The following UNC79 variants were observed in gnomAD, a reference collection of about 807,000 sequenced individuals.
UNC79 encodes unc-79 subunit of NALCN channel complex, also known as protein unc-79 homolog.
In UNC79, 37 loss-of-function variants were observed where a neutral mutation model predicts 283.1. The observed-to-expected ratio is 0.13, with a 90% CI of 0.10 to 0.17. The LOEUF (loss-of-function observed/expected upper bound fraction) is 0.17, where lower values mean the gene tolerates loss of function less well. Ranked by LOEUF, UNC79 falls within the 10% of genes least tolerant of loss-of-function variation. The pLI, the probability that UNC79 is intolerant of heterozygous loss-of-function variation, is 1.00. For missense variants in UNC79, 2,272 were observed against 3,211.1 expected (o/e 0.71, Z 7.07); for synonymous variants, 1,107 against 1,200.2 (o/e 0.92, Z 1.61).
At chr14:93,384,327 G>T (rs1415006606) in intron 1 of UNC79, among the ~76,000 whole-genome samples, 1 of 152,154 alleles carries the variant, frequency 6.6e-6, no homozygotes, top group Non-Finnish European at 1.5e-5. Flanking sequence ...CAGTGTACAA[G>T]GGTTCCCTTT....
At position 93,597,554 on chromosome 14, in the gene UNC79, TG is replaced by T; in HGVS notation, c.3372+15del. 6.2e-7 allele frequency: 1 copy of T among 1,606,996 alleles called. No homozygotes were observed. Among genetic ancestry groups the T allele is most frequent in the Non-Finnish European group, 8.5e-7 (1 of 1,177,418 alleles). On this transcript the variant is annotated intron_variant, in intron 24 of 48. Coordinates refer to ENST00000555664, the Ensembl canonical transcript of UNC79. ...CCAGCATTGCAGGTGACATGTGATT[TG>T]TGTTATCTGCTCCGAAGGTGGTTTG...
chr14:93,543,718 G>T (rs976021004), intron 14 of UNC79, among the ~76,000 whole-genome samples: 1 of 152,154 alleles, frequency 6.6e-6, no homozygotes, highest in Admixed American at 6.5e-5. Context: ...AAAGGTGGAT[G>T]TCCAGAATCA....
rs776944408 is a variant in UNC79, at chr14:93,641,276, A to G, written c.5903+29A>G. The G allele has an allele frequency of 7.5e-6, 12 of 1,589,924 alleles. No homozygotes were observed. In the East Asian group the frequency reaches 1.1e-4, roughly 15 times the overall value. The stretch of plus-strand genomic sequence containing the variant: ...AGCTCGCACAGTTATTTTCTTCACC[A>G]TGTTTACAGAATTTAAGTTTGGTTA... On this transcript the variant is annotated intron_variant, in intron 33 of 48. Transcript: ENST00000555664.
chr14:93,373,414 AAAAG>A (rs1317032490), intron 1 of UNC79, among the ~76,000 whole-genome samples: 1 of 152,200 alleles, frequency 6.6e-6, no homozygotes, highest in African/African-American at 2.4e-5. Context: ...TGAGAAAAAA[AAAAG>A]AGAGAGGACA....
chr14:93,343,745 G>A (rs1370166727), intron 1 of UNC79, among the ~76,000 whole-genome samples: 2 of 151,982 alleles, frequency 1.3e-5, no homozygotes, highest in Non-Finnish European at 2.9e-5. Flanking sequence ...CATTATAAAA[G>A]GTAAGTGGGC....
At chr14:93,454,959 T>C (rs2056755002) in intron 1 of UNC79, among the ~76,000 whole-genome samples, 1 of 152,128 alleles carries the variant, frequency 6.6e-6, no homozygotes, top group African/African-American at 2.4e-5. Context: ...ATGATGATGA[T>C]GTTGATGATG....
intron 27 of UNC79, among the ~76,000 whole-genome samples, chr14:93,614,460 G>A (rs1226462266): frequency 6.6e-6 from 1 of 151,910 alleles, no homozygotes; most frequent in African/African-American, 2.4e-5. Flanking sequence ...GGGATCACAG[G>A]CACCCGCCAC....
chr14:93,496,308 A>G, intron 5 of UNC79, 103 bp from the exon 6 acceptor site: 2 of 684,156 alleles, frequency 2.9e-6, no homozygotes, highest in Non-Finnish European at 4.7e-6. Context: ...TAATGATTAG[A>G]GACTGAAAAG....
intron 38 of UNC79, among the ~76,000 whole-genome samples, 164 bp downstream of exon 41, chr14:93,655,571 CT>C (rs1256613953): frequency 1.3e-5 from 2 of 148,326 alleles, no homozygotes; most frequent in Non-Finnish European, 3.0e-5. Flanking sequence ...TCTGTCTTCT[CT>C]TAGAGAATGA....
At chr14:93,382,131 A>G (rs1163322598) in intron 1 of UNC79, among the ~76,000 whole-genome samples, 1 of 152,170 alleles carries the variant, frequency 6.6e-6, no homozygotes, top group South Asian at 2.1e-4. Context: ...TCTGGTTCCT[A>G]ATAATACAAG....
intron 1 of UNC79, chr14:93,466,863 G>A: frequency 1.0e-6 from 1 of 985,396 alleles, no homozygotes; most frequent in Non-Finnish European, 1.2e-6. Flanking sequence ...CAGGTCAAAG[G>A]TCAGGTCAGG....
intron 1 of UNC79, among the ~76,000 whole-genome samples, chr14:93,343,315 G>A (rs1392470255): frequency 6.6e-6 from 1 of 152,218 alleles, no homozygotes; most frequent in Non-Finnish European, 1.5e-5. Context: ...GCAAAGGGGA[G>A]CAAGGGGCAT....
intron 1 of UNC79, among the ~76,000 whole-genome samples, chr14:93,340,155 C>T (rs939482364): frequency 1.3e-5 from 2 of 152,172 alleles, no homozygotes; most frequent in Non-Finnish European, 2.9e-5. Context: ...AAGAGTTGGA[C>T]ACCTATGCTG....
At chr14:93,565,164 C>T (rs1044002573) in intron 14 of UNC79, among the ~76,000 whole-genome samples, 13 of 152,172 alleles carry the variant, frequency 8.5e-5, no homozygotes, top group Admixed American at 5.9e-4. Context: ...TCCCCCGGTT[C>T]CTGTAGGCTG....
At position 93,401,728 on chromosome 14, in the gene UNC79, C is replaced by G. The variant is rs139041709; in HGVS notation, c.-350-65943C>G. On this transcript the variant is annotated intron_variant, in intron 1 of 49. Transcript: ENST00000256339. The stretch of plus-strand genomic sequence containing the variant: ...TATAGGTACAGCCTTGAGACTCAGA[C>G]TGAATCAAATTGCCCAATGTCTTGT... 1.8e-3 allele frequency among the ~76,000 whole-genome samples: 270 copies of G among 152,292 alleles called. 1 individual carries two copies. The Middle Eastern group carries it at 0.031, about 17-fold the overall frequency.
intron 47 of UNC79, among the ~76,000 whole-genome samples, chr14:93,701,671 A>G (rs1460602946): frequency 6.6e-6 from 1 of 152,332 alleles, no homozygotes; most frequent in Non-Finnish European, 1.5e-5. Context: ...AAGTTATTCA[A>G]TAAGTCAAAT....
chr14:93,402,276 C>CAAAA (rs1232880016), intron 1 of UNC79, among the ~76,000 whole-genome samples: 2 of 64,978 alleles, frequency 3.1e-5, no homozygotes, highest in African/African-American at 1.2e-4. Context: ...GACTCTGTCT[C>CAAAA]AAAAAAAAAA....
chr14:93,689,951 A>G, intron 44 of UNC79, 166 bp from the exon 48 acceptor site: 1 of 685,106 alleles, frequency 1.5e-6, no homozygotes, highest in Non-Finnish European at 2.4e-6. Flanking sequence ...GGAAAACAAG[A>G]AAAACAGATA....
chr14:93,493,026 A>G (rs2058813185), intron 5 of UNC79, among the ~76,000 whole-genome samples: 1 of 152,220 alleles, frequency 6.6e-6, no homozygotes, highest in African/African-American at 2.4e-5. Context: ...TAATCATAAA[A>G]TCAAGTGTAA....
Sources: allele counts gnomAD v4.1 joint callset (sites outside exome capture counted in the v4.1 genomes callset), GRCh38; gene constraint gnomAD v4.1.1; transcripts MANE v1.5; gene names NCBI Gene and HGNC (gene_info 2026-07-23, HGNC 2026-07-21).